MICU1: variants seen among roughly 807,000 people sequenced by gnomAD.
MICU1 encodes the protein calcium uptake protein 1, mitochondrial.
In MICU1, 45 loss-of-function variants were observed where a neutral mutation model predicts 56.8. That is an observed-to-expected ratio of 0.79 (90% CI 0.62 to 1.02). The LOEUF is 1.02. Ranked by LOEUF, MICU1 falls within the 50% of genes least tolerant of loss-of-function variation. The pLI is 0.00. For missense variants in MICU1, 504 were observed against 587.1 expected (o/e 0.86, Z 1.46); for synonymous variants, 186 against 195.1 (o/e 0.95, Z 0.39).
intron 10 of MICU1, among the ~76,000 whole-genome samples, chr10:72,400,813 T>G (rs986484683): frequency 2.0e-5 from 3 of 151,974 alleles, no homozygotes; most frequent in African/African-American, 7.3e-5. Flanking sequence ...AAACTTTGTT[T>G]TGTGAAAGAG....
At chr10:72,621,532 A>G (rs760467664) in intron 1 of MICU1, among the ~76,000 whole-genome samples, 4 of 152,086 alleles carry the variant, frequency 2.6e-5, no homozygotes, top group Non-Finnish European at 4.4e-5. Context: ...AGTGGTTTCT[A>G]TACTAACAGA....
At chr10:72,452,644 T>C (rs1366060717) in intron 8 of MICU1, among the ~76,000 whole-genome samples, 1 of 152,212 alleles carries the variant, frequency 6.6e-6, no homozygotes, top group South Asian at 2.1e-4. Context: ...TTGACAAGTT[T>C]GTAGCCTTGG....
chr10:72,463,267 T>A (rs575624900), intron 8 of MICU1, among the ~76,000 whole-genome samples: 7 of 152,308 alleles, frequency 4.6e-5, no homozygotes, highest in Admixed American at 2.0e-4. Flanking sequence ...TTCTCCATGT[T>A]GGTCAGGCTG....
intron 1 of MICU1, among the ~76,000 whole-genome samples, chr10:72,585,833 T>C (rs914738086): frequency 2.6e-5 from 4 of 152,022 alleles, no homozygotes; most frequent in African/African-American, 4.8e-5. Flanking sequence ...AAGTATCTTA[T>C]GTAAAATGGT....
chr10:72,582,303 A>G (rs1227743078), intron 1 of MICU1, among the ~76,000 whole-genome samples: 2 of 152,316 alleles, frequency 1.3e-5, no homozygotes, highest in South Asian at 2.1e-4. Flanking sequence ...AAAATGTCCA[A>G]TTGTCATTAT....
chr10:72,425,382 C>A (rs1009729166), intron 8 of MICU1, among the ~76,000 whole-genome samples: 1 of 152,130 alleles, frequency 6.6e-6, no homozygotes, highest in African/African-American at 2.4e-5. Flanking sequence ...TTGCTCAAGG[C>A]TTATAAAAGG....
chr10:72,467,882 C>A (rs1328527459), intron 8 of MICU1: 1 of 150,338 alleles, frequency 6.7e-6, no homozygotes, highest in Admixed American at 6.7e-5. Context: ...TGGCATGAGA[C>A]TGGAGTGCAA....
intron 1 of MICU1, among the ~76,000 whole-genome samples, chr10:72,600,991 T>C (rs1055940055): frequency 1.3e-5 from 2 of 152,190 alleles, no homozygotes; most frequent in Admixed American, 1.3e-4. Context: ...AAAGTCAGGA[T>C]GGTAATTTAT....
intron 1 of MICU1, among the ~76,000 whole-genome samples, chr10:72,589,043 T>C (rs1045115318): frequency 6.6e-6 from 1 of 152,130 alleles, no homozygotes; most frequent in Non-Finnish European, 1.5e-5. Flanking sequence ...ATCCCAGCAC[T>C]TTGGGAGGCC....
At chr10:72,446,143 TGCTCTTGATG>T (rs1285522224) in intron 8 of MICU1, among the ~76,000 whole-genome samples, 1 of 152,120 alleles carries the variant, frequency 6.6e-6, no homozygotes, top group African/African-American at 2.4e-5. Flanking sequence ...GCACCACCGA[TGCTCTTGATG>T]GCTCGGAGGA....
intron 1 of MICU1, 22 bp from the exon 2 acceptor site, chr10:72,566,816 G>T (rs1840451689): frequency 1.9e-6 from 3 of 1,592,172 alleles, no homozygotes; most frequent in Non-Finnish European, 2.6e-6. Context: ...AAGTAGAAAT[G>T]TCACTCTTAG....
chr10:72,458,472 A>AT (rs1381505765), intron 8 of MICU1, among the ~76,000 whole-genome samples: 2 of 152,138 alleles, frequency 1.3e-5, no homozygotes, highest in East Asian at 3.8e-4. Context: ...TACCGCATTT[A>AT]TTTTTCCAGT....
At chr10:72,400,119 T>C (rs1405126644) in intron 10 of MICU1, among the ~76,000 whole-genome samples, 1 of 152,208 alleles carries the variant, frequency 6.6e-6, no homozygotes, top group Non-Finnish European at 1.5e-5. Context: ...ACATGTATTT[T>C]TGGATGTCAG....
At chr10:72,425,269 G>A (rs539066108) in intron 8 of MICU1, among the ~76,000 whole-genome samples, 1 of 152,292 alleles carries the variant, frequency 6.6e-6, no homozygotes, top group East Asian at 1.9e-4. Context: ...ACAGCTGTGG[G>A]GCAATCCCGT....
chr10:72,406,361 C>T (rs1428760300), intron 10 of MICU1, among the ~76,000 whole-genome samples: 1 of 151,980 alleles, frequency 6.6e-6, no homozygotes, highest in South Asian at 2.1e-4. Flanking sequence ...ATATTATGCT[C>T]GTGAATTATA....
chr10:72,535,746 C>T (rs1839616596), intron 4 of MICU1, among the ~76,000 whole-genome samples: 1 of 152,162 alleles, frequency 6.6e-6, no homozygotes, highest in South Asian at 2.1e-4. Flanking sequence ...ACAAGTAAAA[C>T]TTGGTACATC....
At chr10:72,616,437 A>G (rs547308135) in intron 1 of MICU1, among the ~76,000 whole-genome samples, 1 of 152,048 alleles carries the variant, frequency 6.6e-6, no homozygotes, top group East Asian at 1.9e-4. Context: ...AAAATACAAA[A>G]TTAGCCAGGC....
At chr10:72,593,046 A>C (rs111769116) in intron 1 of MICU1, among the ~76,000 whole-genome samples, 1 of 151,738 alleles carries the variant, frequency 6.6e-6, no homozygotes, top group Non-Finnish European at 1.5e-5. Context: ...TCGCCCTCCC[A>C]AAGTGCTGAG....
At chr10:72,540,267 C>CAAAAAAAA (rs11287541) in intron 4 of MICU1, among the ~76,000 whole-genome samples, 3 of 85,452 alleles carry the variant, frequency 3.5e-5, no homozygotes, top group Admixed American at 1.3e-4. Flanking sequence ...AACTCCATCT[C>CAAAAAAAA]AAAAAAAAAA....
Sources: allele counts gnomAD v4.1 joint callset (sites outside exome capture counted in the v4.1 genomes callset), GRCh38; gene constraint gnomAD v4.1.1; transcripts MANE v1.5; gene names NCBI Gene and HGNC (gene_info 2026-07-23, HGNC 2026-07-21).